FHIT: variants seen among roughly 807,000 people sequenced by gnomAD.
FHIT encodes fragile histidine triad diadenosine triphosphatase.
FHIT carries 19 observed loss-of-function variants against 17.9 expected under a neutral mutation model. The ratio of observed to expected loss-of-function variants is 1.06; its 90% CI spans 0.74 to 1.56. The LOEUF (loss-of-function observed/expected upper bound fraction) is 1.56, where lower values mean the gene tolerates loss of function less well. FHIT is among the 40% of genes most tolerant of loss of function. The probability of loss-of-function intolerance (pLI) is 0.00; values close to 1 mark genes in which losing one functional copy is unlikely to be tolerated. For synonymous variants in FHIT, 81 were observed against 69.7 expected, an observed-to-expected ratio of 1.16 and a Z score of -0.81; for missense variants, 248 against 189.2, an observed-to-expected ratio of 1.31 and a Z score of -1.82.
At chr3:59,861,514 T>A (rs80023565) in intron 8 of FHIT, among the ~76,000 whole-genome samples, 2,580 of 152,322 alleles carry the variant, frequency 0.017, 62 homozygotes, top group African/African-American at 0.048. Flanking sequence ...AATATTTTCT[T>A]AAAAATTTCC....
At chr3:61,182,409 G>A (rs550525931) in intron 2 of FHIT, among the ~76,000 whole-genome samples, 2 of 152,104 alleles carry the variant, frequency 1.3e-5, no homozygotes, top group African/African-American at 2.4e-5. Context: ...AATTCTGCCA[G>A]TCTAAATTAC....
intron 5 of FHIT, among the ~76,000 whole-genome samples, chr3:60,460,033 G>T (rs1012891174): frequency 6.6e-6 from 1 of 152,060 alleles, no homozygotes; most frequent in Non-Finnish European, 1.5e-5. Flanking sequence ...GGTCAAAATA[G>T]TTCAGAAAAC....
chr3:59,917,309 A>G (rs1403781085), intron 8 of FHIT, among the ~76,000 whole-genome samples: 3 of 152,224 alleles, frequency 2.0e-5, no homozygotes, highest in African/African-American at 7.2e-5. Context: ...TGGGTTTTAT[A>G]TACAGTGCAC....
chr3:60,256,588 G>C (rs1706006998), intron 5 of FHIT, among the ~76,000 whole-genome samples: 1 of 152,166 alleles, frequency 6.6e-6, no homozygotes, highest in Non-Finnish European at 1.5e-5. Flanking sequence ...TACACAACTA[G>C]GCAGAAGCCA....
chr3:59,912,081 G>A (rs535232544), intron 8 of FHIT, among the ~76,000 whole-genome samples: 61 of 152,128 alleles, frequency 4.0e-4, no homozygotes, highest in African/African-American at 1.3e-3. Flanking sequence ...CTATGCCTCC[G>A]TTTCTACACA....
intron 7 of FHIT, among the ~76,000 whole-genome samples, chr3:59,968,200 A>G (rs1708016944): frequency 6.6e-6 from 1 of 152,114 alleles, no homozygotes; most frequent in Admixed American, 6.6e-5. Flanking sequence ...TGTACCCACC[A>G]TTGACCTTAA....
intron 5 of FHIT, among the ~76,000 whole-genome samples, chr3:60,050,854 C>G (rs761149662): frequency 6.6e-6 from 1 of 152,158 alleles, no homozygotes; most frequent in African/African-American, 2.4e-5. Flanking sequence ...TTCCAGAAAT[C>G]AGACTCAGAG....
At chr3:59,947,748 A>G (rs1706886566) in intron 7 of FHIT, among the ~76,000 whole-genome samples, 1 of 152,136 alleles carries the variant, frequency 6.6e-6, no homozygotes, top group African/African-American at 2.4e-5. Flanking sequence ...TCTGGAAACA[A>G]CACTCTGACA....
intron 4 of FHIT, among the ~76,000 whole-genome samples, chr3:60,634,020 T>C (rs2039514990): frequency 6.6e-6 from 1 of 152,236 alleles, no homozygotes; most frequent in Non-Finnish European, 1.5e-5. Context: ...AGAGCTGCTG[T>C]ACTGTAAGTA....
At chr3:60,871,926 G>T (rs1704434242) in intron 3 of FHIT, among the ~76,000 whole-genome samples, 1 of 152,004 alleles carries the variant, frequency 6.6e-6, no homozygotes, top group African/African-American at 2.4e-5. Flanking sequence ...GTCTCCCAAA[G>T]GATTGAAATT....
chr3:59,855,474 A>C (rs1255244854), intron 8 of FHIT, among the ~76,000 whole-genome samples: 2 of 152,174 alleles, frequency 1.3e-5, no homozygotes, highest in African/African-American at 4.8e-5. Flanking sequence ...ATTTAATCTT[A>C]TGCTATCCTC....
chr3:61,220,322 T>A (rs2039803985), intron 1 of FHIT, among the ~76,000 whole-genome samples: 1 of 152,204 alleles, frequency 6.6e-6, no homozygotes, highest in Non-Finnish European at 1.5e-5. Flanking sequence ...TTAAACCACA[T>A]AATAATAAAT....
intron 4 of FHIT, among the ~76,000 whole-genome samples, chr3:60,690,969 T>C (rs1331191437): frequency 1.3e-5 from 2 of 152,230 alleles, no homozygotes; most frequent in African/African-American, 4.8e-5. Flanking sequence ...TATCTGATTT[T>C]TTGCTCCTTT....
At chr3:59,756,635 T>C (rs1701234832) in intron 8 of FHIT, among the ~76,000 whole-genome samples, 1 of 152,178 alleles carries the variant, frequency 6.6e-6, no homozygotes, top group African/African-American at 2.4e-5. Context: ...CAACTCAACA[T>C]AGCAGACCCC....
Position 59,963,270 on chromosome 3 carries a change from AAATAAT to A in FHIT, c.280-40862_280-40857del, listed in dbSNP as rs200969859. On this transcript the variant is annotated intron_variant, in intron 7 of 9. Transcript: ENST00000492590. ...TGACAGAGCGAGACTCCATCTCAAA[AAATAAT>A]AATAATAATAATAATAAAAGAAAAG... 5.3e-5 allele frequency among the ~76,000 whole-genome samples: 8 copies of A among 150,430 alleles called. 1 individual carries two copies. The South Asian group carries it at 1.7e-3, about 32-fold the overall frequency.
chr3:60,332,353 A>G (rs1299558759), intron 5 of FHIT, among the ~76,000 whole-genome samples: 1 of 152,200 alleles, frequency 6.6e-6, no homozygotes, highest in African/African-American at 2.4e-5. Context: ...CTGATCAAGG[A>G]GGTATGCTTG....
At chr3:60,993,046 G>T (rs1414551242) in intron 3 of FHIT, among the ~76,000 whole-genome samples, 3 of 152,122 alleles carry the variant, frequency 2.0e-5, no homozygotes, top group African/African-American at 7.2e-5. Flanking sequence ...CCGAAAATGT[G>T]CCCAGGGCAG....
rs529543776 is a variant in FHIT, at chr3:60,202,433, G to C, written c.104-188281C>G. ...CCTAAGACAATTCATAAAGAGAAAG[G>C]GGGTACTGCTGCCCAAGCACACATC... On this transcript the variant is annotated intron_variant, in intron 5 of 9. Transcript: ENST00000492590. Among the ~76,000 whole-genome samples, 64 of 152,250 alleles carry C rather than the reference G, an allele frequency of 4.2e-4. 1 individual carries two copies. Among genetic ancestry groups the C allele is most frequent in the South Asian group, 2.9e-3 (14 of 4,824 alleles).
At chr3:60,557,229 G>C (rs952090614) in intron 4 of FHIT, among the ~76,000 whole-genome samples, 5 of 152,164 alleles carry the variant, frequency 3.3e-5, no homozygotes, top group African/African-American at 1.2e-4. Flanking sequence ...ACGGAAGCAA[G>C]TGATGGAGCC....
Sources: gnomAD v4.1 joint callset for allele counts (sites outside exome capture counted in the v4.1 genomes callset) on GRCh38, gnomAD v4.1.1 for gene constraint, MANE v1.5 for transcripts, NCBI Gene and HGNC (gene_info 2026-07-23, HGNC 2026-07-21) for gene names.